The following FNDC3B variants were observed in gnomAD, a reference collection of about 807,000 sequenced individuals.
FNDC3B encodes the protein fibronectin type III domain-containing protein 3B.
A neutral mutation model predicts 151.5 loss-of-function variants in FNDC3B; 12 were observed. The observed-to-expected ratio is 0.08, with a 90% CI of 0.05 to 0.13. The LOEUF (loss-of-function observed/expected upper bound fraction) is 0.13, where lower values mean the gene tolerates loss of function less well. FNDC3B is among the 10% of genes least tolerant of loss of function. The probability of loss-of-function intolerance (pLI) is 1.00; values close to 1 mark genes in which losing one functional copy is unlikely to be tolerated. For synonymous variants in FNDC3B, 528 were observed against 549.0 expected (o/e 0.96, Z 0.54); for missense variants, 1,214 against 1,505.3 (o/e 0.81, Z 3.20).
intron 9 of FNDC3B, among the ~76,000 whole-genome samples, chr3:172,303,696 T>C (rs537132708): frequency 6.6e-6 from 1 of 151,010 alleles, no homozygotes; most frequent in African/African-American, 2.5e-5. Context: ...TACATGATGA[T>C]ATTTATGGAA....
At chr3:172,139,219 TGTTTGGCACACTAAAAC>T (rs1721504140) in intron 3 of FNDC3B, among the ~76,000 whole-genome samples, 1 of 152,208 alleles carries the variant, frequency 6.6e-6, no homozygotes, top group Admixed American at 6.5e-5. Context: ...TTATTAGACT[TGTTTGGCACACTAAAAC>T]ACTGACCTGT....
intron 3 of FNDC3B, among the ~76,000 whole-genome samples, chr3:172,167,103 A>G (rs1448550972): frequency 6.6e-6 from 1 of 152,318 alleles, no homozygotes; most frequent in East Asian, 1.9e-4. Context: ...ACTCTAGAAT[A>G]TACACTTAAG....
chr3:172,133,329 T>A, intron 2 of FNDC3B, 142 bp from the exon 3 acceptor site: 1 of 647,500 alleles, frequency 1.5e-6, no homozygotes, highest in Non-Finnish European at 2.7e-6. Flanking sequence ...ATGCCCCCAA[T>A]TAAGACTTAT....
At chr3:172,292,913 A>G (rs1169689594) in intron 7 of FNDC3B, among the ~76,000 whole-genome samples, 1 of 152,250 alleles carries the variant, frequency 6.6e-6, no homozygotes, top group East Asian at 1.9e-4. Context: ...GTGTAATGGA[A>G]TATGCACCAA....
At chr3:172,328,796 A>G (rs1315320775) in intron 11 of FNDC3B, among the ~76,000 whole-genome samples, 156 bp from the exon 12 acceptor site, 1 of 152,198 alleles carries the variant, frequency 6.6e-6, no homozygotes, top group Non-Finnish European at 1.5e-5. Flanking sequence ...TATTTGCAAC[A>G]TGGACACTTC....
chr3:172,084,469 G>GTA (rs1491506044), intron 1 of FNDC3B, among the ~76,000 whole-genome samples: 2 of 32,252 alleles, frequency 6.2e-5, no homozygotes, highest in Non-Finnish European at 1.4e-4. Context: ...ATATGTATAT[G>GTA]TATACACACA....
chr3:172,293,036 T>C (rs1240478993), intron 7 of FNDC3B, among the ~76,000 whole-genome samples: 1 of 152,198 alleles, frequency 6.6e-6, no homozygotes, highest in African/African-American at 2.4e-5. Flanking sequence ...AGTCCCTCTG[T>C]GTTCAGTATA....
At chr3:172,395,237 A>C (rs552759231) in intron 25 of FNDC3B, among the ~76,000 whole-genome samples, 2 of 151,912 alleles carry the variant, frequency 1.3e-5, no homozygotes, top group Non-Finnish European at 2.9e-5. Context: ...CATTTCTGCT[A>C]TTTTTTTCTT....
chr3:172,220,179 G>A (rs1288793529), intron 3 of FNDC3B, among the ~76,000 whole-genome samples: 1 of 152,072 alleles, frequency 6.6e-6, no homozygotes, highest in Non-Finnish European at 1.5e-5. Context: ...GTGTGTGTGT[G>A]TGTGTGTCTT....
chr3:172,149,977 C>A (rs1282847181), intron 3 of FNDC3B, among the ~76,000 whole-genome samples: 1 of 151,828 alleles, frequency 6.6e-6, no homozygotes, highest in Non-Finnish European at 1.5e-5. Context: ...CGTCACCGTG[C>A]CCAGCTAATT....
chr3:172,180,725 T>C (rs996968191), intron 3 of FNDC3B, among the ~76,000 whole-genome samples: 92 of 152,140 alleles, frequency 6.0e-4, no homozygotes, highest in African/African-American at 2.1e-3. Context: ...CAGACAGTCA[T>C]TGGAACAGTT....
intron 11 of FNDC3B, among the ~76,000 whole-genome samples, chr3:172,326,394 A>T (rs148767743): frequency 1.1e-3 from 175 of 152,348 alleles, no homozygotes; most frequent in African/African-American, 4.1e-3. Context: ...AAGTTTATGC[A>T]CATAGTAGTA....
chr3:172,281,022 T>A (rs1469656374), intron 6 of FNDC3B, among the ~76,000 whole-genome samples: 1 of 151,486 alleles, frequency 6.6e-6, no homozygotes, highest in African/African-American at 2.4e-5. Context: ...CTTGTGTCTC[T>A]AAGCTGAGCC....
intron 3 of FNDC3B, among the ~76,000 whole-genome samples, chr3:172,171,535 G>T (rs1349470198): frequency 6.6e-6 from 1 of 151,818 alleles, no homozygotes; most frequent in Non-Finnish European, 1.5e-5. Context: ...AGATGGGGTT[G>T]GGGGAGGTTT....
chr3:172,217,033 C>A (rs1726015098), intron 3 of FNDC3B, among the ~76,000 whole-genome samples: 1 of 152,176 alleles, frequency 6.6e-6, no homozygotes, highest in Admixed American at 6.5e-5. Context: ...GTCTCCCCGT[C>A]CCCCACATGG....
At chr3:172,207,840 G>A (rs1272184170) in intron 3 of FNDC3B, among the ~76,000 whole-genome samples, 1 of 152,196 alleles carries the variant, frequency 6.6e-6, no homozygotes, top group Non-Finnish European at 1.5e-5. Flanking sequence ...CCAGCTACTT[G>A]GGAGGCTGAG....
At chr3:172,344,282 A>G (rs368279085) in intron 19 of FNDC3B, 24 bp downstream of exon 19, 43 of 1,576,180 alleles carry the variant, frequency 2.7e-5, no homozygotes, top group South Asian at 4.6e-5. Flanking sequence ...CATACACCAT[A>G]ACCAGAATCA....
At chr3:172,059,263 TAA>T (rs111346033) in intron 1 of FNDC3B, among the ~76,000 whole-genome samples, 1 of 151,234 alleles carries the variant, frequency 6.6e-6, no homozygotes, top group Non-Finnish European at 1.5e-5. Context: ...ATATTTCACT[TAA>T]AAAAAAAGAG....
At chr3:172,169,931 A>G (rs1723206044) in intron 3 of FNDC3B, among the ~76,000 whole-genome samples, 1 of 152,236 alleles carries the variant, frequency 6.6e-6, no homozygotes, top group Non-Finnish European at 1.5e-5. Context: ...AAGGGAACCT[A>G]AAAGCCACTC....
Sources: allele counts gnomAD v4.1 joint callset (sites outside exome capture counted in the v4.1 genomes callset), GRCh38; gene constraint gnomAD v4.1.1; transcripts MANE v1.5; gene names NCBI Gene and HGNC (gene_info 2026-07-23, HGNC 2026-07-21).